The following DOCK7 variants were observed in gnomAD, a reference collection of about 807,000 sequenced individuals.
DOCK7 encodes the protein dedicator of cytokinesis 7.
DOCK7 carries 138 observed loss-of-function variants against 271.0 expected under a neutral mutation model. That is an observed-to-expected ratio of 0.51 (90% CI 0.44 to 0.59). The LOEUF is 0.59. DOCK7 is among the 20% of genes least tolerant of loss of function. The pLI, the probability that DOCK7 is intolerant of heterozygous loss-of-function variation, is 0.00. For missense variants in DOCK7, 2,066 were observed against 2,592.4 expected (o/e 0.80, Z 4.41); for synonymous variants, 823 against 876.1 (o/e 0.94, Z 1.07).
chr1:62,688,094 C>T, intron 1 of DOCK7, 133 bp downstream of exon 1: 3 of 1,126,138 alleles, frequency 2.7e-6, no homozygotes, highest in Non-Finnish European at 3.3e-6. Context: ...CCCCTTCCGC[C>T]CCGCCGCGAG....
At chr1:62,549,694 TAATA>T (rs1299224924) in intron 22 of DOCK7, among the ~76,000 whole-genome samples, 1 of 152,148 alleles carries the variant, frequency 6.6e-6, no homozygotes, top group Non-Finnish European at 1.5e-5. Context: ...AATAACTAAA[TAATA>T]AACAGTATTT....
intron 43 of DOCK7, among the ~76,000 whole-genome samples, chr1:62,480,318 T>A (rs528681127): frequency 6.6e-6 from 1 of 152,322 alleles, no homozygotes; most frequent in African/African-American, 2.4e-5. Flanking sequence ...CTCTTTTTAT[T>A]ATATTTTCTC....
chr1:62,522,688 A>T (rs1369047948), intron 31 of DOCK7, among the ~76,000 whole-genome samples: 1 of 151,946 alleles, frequency 6.6e-6, no homozygotes. Flanking sequence ...ACAATAAATT[A>T]CATATATAAA....
At chr1:62,579,022 T>A in intron 16 of DOCK7, 56 bp from the exon 17 acceptor site, 13 of 1,393,504 alleles carry the variant, frequency 9.3e-6, no homozygotes, top group Non-Finnish European at 1.1e-5. Context: ...AAATAAATAA[T>A]GTATTTGTAT....
rs767244635 is a variant in DOCK7, at chr1:62,555,888, G to T, written c.2533C>A (p.Leu845Ile). ...AAAACATAATGAATATATGATGCAA[G>T]AAGGCTGTTTCTGCCATGCTGGTCA... The part of the protein sequence containing the change: ...NHDQHGRNSL[L>I]ASYIHYVFRL... Residue 845 changes from leucine to isoleucine, a missense_variant, in exon 21 of 50, where the codon CTT (leucine) becomes ATT (isoleucine). Around this residue, in one of 2 missense-constraint regions of DOCK7, gnomAD observed 1,414 missense variants for 1,670.4 expected, o/e 0.85. Coordinates refer to ENST00000635253, the MANE Select transcript of DOCK7 (RefSeq NM_001367561.1). 2 of 1,613,940 alleles carry T rather than the reference G, an allele frequency of 1.2e-6. No homozygotes were observed. Among genetic ancestry groups the T allele is most frequent in the Admixed American group, 1.7e-5 (1 of 60,018 alleles).
At position 62,688,340 on chromosome 1, in the gene DOCK7, C is replaced by T. The variant is rs951365251; in HGVS notation, c.-76G>A. Reference sequence around the variant, plus strand: ...GGACCGGCGGGCGCGTGCCTCCTCGCTCGTGCTCCCTCCCTCGCGGCCTCC... The same window carrying T: ...GGACCGGCGGGCGCGTGCCTCCTCGTTCGTGCTCCCTCCCTCGCGGCCTCC... On this transcript the variant is annotated 5_prime_UTR_variant, in exon 1 of 50. Coordinates refer to ENST00000635253, the MANE Select transcript of DOCK7 (RefSeq NM_001367561.1). 1 of 984,156 alleles carries T rather than the reference C, an allele frequency of 1.0e-6. No homozygotes were observed. Among genetic ancestry groups the T allele is most frequent in the Admixed American group, 4.7e-5 (1 of 21,396 alleles). 61.0% of individuals were successfully genotyped at this position (984,156 alleles called of 1,614,324 possible).
intron 43 of DOCK7, among the ~76,000 whole-genome samples, chr1:62,480,842 T>C (rs1248578418): frequency 6.6e-6 from 1 of 152,008 alleles, no homozygotes; most frequent in African/African-American, 2.4e-5. Flanking sequence ...ACCCTGTCTC[T>C]ACTAAAAATA....
At chr1:62,491,890 T>C (rs1159396396) in intron 41 of DOCK7, among the ~76,000 whole-genome samples, 3 of 152,226 alleles carry the variant, frequency 2.0e-5, no homozygotes, top group Non-Finnish European at 2.9e-5. Context: ...ACAAATCACA[T>C]GCTGGTTAAT....
At chr1:62,645,077 T>C (rs148622034) in intron 7 of DOCK7, among the ~76,000 whole-genome samples, 2 of 152,186 alleles carry the variant, frequency 1.3e-5, no homozygotes, top group Admixed American at 6.5e-5. Context: ...GTGGAGAAAT[T>C]AGAATCATCC....
intron 18 of DOCK7, among the ~76,000 whole-genome samples, chr1:62,564,984 C>T (rs1435412820): frequency 6.6e-6 from 1 of 152,116 alleles, no homozygotes; most frequent in Non-Finnish European, 1.5e-5. Context: ...ATACACCCTC[C>T]CAAGTCTAAA....
intron 48 of DOCK7, among the ~76,000 whole-genome samples, chr1:62,459,589 A>G (rs1003659384): frequency 6.6e-6 from 1 of 152,182 alleles, no homozygotes; most frequent in African/African-American, 2.4e-5. Context: ...TAATAGATTA[A>G]TGTAGATTTT....
At chr1:62,553,808 A>G (rs1557707684) in intron 21 of DOCK7, among the ~76,000 whole-genome samples, 1 of 149,158 alleles carries the variant, frequency 6.7e-6, no homozygotes, top group Admixed American at 6.7e-5. Flanking sequence ...TACAATAAAA[A>G]CCAAAATAGG....
At chr1:62,617,091 T>C (rs1277192526) in intron 14 of DOCK7, among the ~76,000 whole-genome samples, 2 of 148,842 alleles carry the variant, frequency 1.3e-5, no homozygotes, top group Admixed American at 6.7e-5. Context: ...AAGGACTCTA[T>C]TGCAAAAAAA....
chr1:62,579,076 C>T, intron 16 of DOCK7, 110 bp from the exon 17 acceptor site: 4 of 1,081,982 alleles, frequency 3.7e-6, no homozygotes, highest in Non-Finnish European at 4.9e-6. Flanking sequence ...TTAATTTTTC[C>T]TCTAGTCCAA....
chr1:62,668,924 CAAAAA>C (rs11308465), intron 1 of DOCK7, among the ~76,000 whole-genome samples: 2 of 113,338 alleles, frequency 1.8e-5, no homozygotes, highest in Non-Finnish European at 3.8e-5. Context: ...GACCTTGCCT[CAAAAA>C]AAAAAAAAAA....
At chr1:62,688,119 C>T in intron 1 of DOCK7, 108 bp downstream of exon 1, 1 of 1,176,522 alleles carries the variant, frequency 8.5e-7, no homozygotes, top group Non-Finnish European at 1.1e-6. Context: ...GCCGCGGGAT[C>T]CCGGTGCCGG....
intron 1 of DOCK7, among the ~76,000 whole-genome samples, chr1:62,672,185 C>G (rs1411329658): frequency 6.6e-6 from 1 of 152,072 alleles, no homozygotes; most frequent in Non-Finnish European, 1.5e-5. Flanking sequence ...GTGTATCTAT[C>G]ATTACATATA....
chr1:62,604,494 C>T, intron 14 of DOCK7: 3 of 985,016 alleles, frequency 3.0e-6, no homozygotes, highest in South Asian at 1.5e-5. Context: ...GGGACTTATA[C>T]AGATTATTTA....
chr1:62,548,260 A>C (rs1054223374), intron 22 of DOCK7, among the ~76,000 whole-genome samples: 1 of 152,036 alleles, frequency 6.6e-6, no homozygotes, highest in Non-Finnish European at 1.5e-5. Flanking sequence ...TAGAAGGCTG[A>C]GGACACAGCC....
Sources: gnomAD v4.1 joint callset for allele counts (sites outside exome capture counted in the v4.1 genomes callset) on GRCh38, gnomAD v4.1.1 for gene constraint, gnomAD v4.1.1 regional missense constraint, MANE v1.5 for transcripts, NCBI Gene and HGNC (gene_info 2026-07-23, HGNC 2026-07-21) for gene names.